Variants in IQCM observed in about 807,000 individuals in gnomAD.
IQCM encodes IQ domain-containing protein M.
IQCM carries 45 observed loss-of-function variants against 57.6 expected under a neutral mutation model. That is an observed-to-expected ratio of 0.78 (90% CI 0.62 to 1.00). The LOEUF is 1.00. Ranked by LOEUF, IQCM falls within the 50% of genes least tolerant of loss-of-function variation. The probability of loss-of-function intolerance (pLI) is 0.00; values close to 1 mark genes in which losing one functional copy is unlikely to be tolerated. For missense variants in IQCM, 468 were observed against 511.6 expected (o/e 0.91, Z 0.82); for synonymous variants, 148 against 158.9 (o/e 0.93, Z 0.51).
chr4:149,485,409 TC>T (rs1560900866), intron 12 of IQCM, among the ~76,000 whole-genome samples: 1 of 151,886 alleles, frequency 6.6e-6, no homozygotes, highest in African/African-American at 2.4e-5. Context: ...TATTCTTTTA[TC>T]TTTTGTCTCC....
chr4:149,689,158 C>T (rs1335035043), intron 5 of IQCM, among the ~76,000 whole-genome samples: 1 of 151,966 alleles, frequency 6.6e-6, no homozygotes, highest in Non-Finnish European at 1.5e-5. Context: ...TGGAACCAAC[C>T]CAAATGCCCA....
At chr4:149,412,056 G>A (rs1733422562) in intron 13 of IQCM, among the ~76,000 whole-genome samples, 1 of 134,124 alleles carries the variant, frequency 7.5e-6, no homozygotes, top group Admixed American at 7.9e-5. Context: ...GTAACATTTA[G>A]TGTGTGTGTT....
At chr4:149,748,583 A>G (rs1400432312) in intron 2 of IQCM, 1 of 152,100 alleles carries the variant, frequency 6.6e-6, no homozygotes, top group African/African-American at 2.4e-5. Context: ...TCAACAAGCT[A>G]TGGAGTTTTT....
chr4:149,550,941 G>T (rs891962439), intron 11 of IQCM, among the ~76,000 whole-genome samples: 4 of 152,104 alleles, frequency 2.6e-5, no homozygotes, highest in Non-Finnish European at 5.9e-5. Context: ...GTCCTAACTG[G>T]ACTCCTTTAT....
chr4:149,689,256 G>A (rs1251092244), intron 5 of IQCM, among the ~76,000 whole-genome samples: 1 of 152,082 alleles, frequency 6.6e-6, no homozygotes, highest in Admixed American at 6.6e-5. Context: ...CATGTCCTTT[G>A]TAGGGACATG....
intron 7 of IQCM, among the ~76,000 whole-genome samples, chr4:149,674,995 A>AT (rs1448609749): frequency 1.3e-5 from 2 of 152,046 alleles, no homozygotes; most frequent in African/African-American, 4.8e-5. Flanking sequence ...TCAAAGTGAG[A>AT]TTTTGGAAGT....
chr4:149,368,400 T>C (rs918033649), intron 13 of IQCM, among the ~76,000 whole-genome samples: 1 of 152,004 alleles, frequency 6.6e-6, no homozygotes, highest in Non-Finnish European at 1.5e-5. Context: ...TATCCTTCAA[T>C]AGATGGCTGG....
chr4:149,546,233 T>C lies in IQCM; in HGVS notation c.1228+2222A>G, dbSNP rs575106532. ...AGTCTATCATTGATGGACACTTGGG[T>C]TGCTTCCAAGTCTTTGCTATTGTGA... On this transcript the variant is annotated intron_variant, in intron 12 of 13. Coordinates refer to ENST00000636793, the MANE Select transcript of IQCM (RefSeq NM_001363507.2). Among the ~76,000 whole-genome samples the C allele has an allele frequency of 2.4e-4, 37 of 152,338 alleles. No homozygotes were observed. In the East Asian group the frequency reaches 6.9e-3, roughly 29 times the overall value.
At chr4:149,637,940 A>G (rs1234706644) in intron 7 of IQCM, among the ~76,000 whole-genome samples, 4 of 152,228 alleles carry the variant, frequency 2.6e-5, no homozygotes, top group Admixed American at 2.6e-4. Flanking sequence ...TATTTTAAAA[A>G]TGGAAAAATT....
intron 2 of IQCM, among the ~76,000 whole-genome samples, chr4:149,746,363 G>T (rs1330710014): frequency 6.6e-6 from 1 of 152,070 alleles, no homozygotes; most frequent in Non-Finnish European, 1.5e-5. Flanking sequence ...AAATACATCT[G>T]CTTCTCCCCA....
At chr4:149,762,393 C>G (rs527977590) in intron 2 of IQCM, among the ~76,000 whole-genome samples, 1 of 151,880 alleles carries the variant, frequency 6.6e-6, no homozygotes, top group Non-Finnish European at 1.5e-5. Flanking sequence ...CATGGTGAAT[C>G]TTTAAAATTG....
At chr4:149,447,417 A>G (rs1248006356) in intron 12 of IQCM, among the ~76,000 whole-genome samples, 2 of 151,726 alleles carry the variant, frequency 1.3e-5, no homozygotes, top group Non-Finnish European at 3.0e-5. Context: ...TTATAACTAT[A>G]TTCCACATGT....
chr4:149,774,888 T>C (rs775468182), intron 2 of IQCM, among the ~76,000 whole-genome samples: 3 of 152,114 alleles, frequency 2.0e-5, no homozygotes, highest in Admixed American at 2.0e-4. Context: ...TTGTTTTTAA[T>C]TTAGCAAGTT....
At chr4:149,675,730 G>A (rs1053182507) in intron 7 of IQCM, among the ~76,000 whole-genome samples, 1 of 152,034 alleles carries the variant, frequency 6.6e-6, no homozygotes, top group African/African-American at 2.4e-5. Flanking sequence ...TCTGAAGGCT[G>A]TCAACTTGGC....
chr4:149,686,431 T>C lies in IQCM; in HGVS notation c.423A>G (p.Glu141=). The C allele has an allele frequency of 3.3e-6, 4 of 1,227,926 alleles. No homozygotes were observed. The highest frequency in any genetic ancestry group is 3.1e-4 in the Middle Eastern group (1 of 3,196). The allele number at this position is 1,227,926 out of a possible 1,614,324, so 76.1% of individuals were successfully genotyped here. Residue 141 remains glutamate, a synonymous_variant, in exon 6 of 14, where the codon GAA becomes GAG. Transcript: ENST00000636793. Reference sequence around the variant, plus strand: ...CTGTCTCCATTTTTTTACTCACTGGTTCAATAATAGTCATGATTTTATCCA... The same window carrying C: ...CTGTCTCCATTTTTTTACTCACTGGCTCAATAATAGTCATGATTTTATCCA... ...VKLDKIMTII[E]PVSKKMETAK...
intron 7 of IQCM, among the ~76,000 whole-genome samples, chr4:149,623,848 G>A (rs1207251617): frequency 6.6e-6 from 1 of 151,956 alleles, no homozygotes; most frequent in Non-Finnish European, 1.5e-5. Flanking sequence ...ATAAAATATT[G>A]TAAGAGTAAA....
At chr4:149,761,050 C>A (rs1442590622) in intron 2 of IQCM, among the ~76,000 whole-genome samples, 1 of 152,002 alleles carries the variant, frequency 6.6e-6, no homozygotes, top group East Asian at 1.9e-4. Context: ...TCTAAAATCA[C>A]AATATAAAGG....
intron 2 of IQCM, among the ~76,000 whole-genome samples, chr4:149,794,390 A>G (rs1744955317): frequency 6.6e-6 from 1 of 152,242 alleles, no homozygotes. Context: ...CCTATTACAC[A>G]GTGTCCATAT....
At chr4:149,659,910 C>T (rs1402463010) in intron 7 of IQCM, among the ~76,000 whole-genome samples, 1 of 151,784 alleles carries the variant, frequency 6.6e-6, no homozygotes, top group Non-Finnish European at 1.5e-5. Flanking sequence ...CCATTCAGGA[C>T]ATAGGCATGG....
Sources: allele counts gnomAD v4.1 joint callset (sites outside exome capture counted in the v4.1 genomes callset), GRCh38; gene constraint gnomAD v4.1.1; transcripts MANE v1.5; gene names NCBI Gene and HGNC (gene_info 2026-07-23, HGNC 2026-07-21).